The following DACH2 variants were observed in gnomAD, a reference collection of about 807,000 sequenced individuals.
DACH2 encodes dachshund family transcription factor 2, also known as dachshund homolog 2.
A neutral mutation model predicts 35.8 loss-of-function variants in DACH2; 17 were observed. The ratio of observed to expected loss-of-function variants is 0.48; its 90% confidence interval spans 0.33 to 0.71. The LOEUF is 0.71. Ranked by LOEUF, DACH2 falls within the 30% of genes least tolerant of loss-of-function variation. The pLI is 0.02. For missense variants in DACH2, 469 were observed against 472.7 expected, an observed-to-expected ratio of 0.99 and a Z score of 0.07; for synonymous variants, 195 against 177.3, an observed-to-expected ratio of 1.10 and a Z score of -0.79.
intron 3 of DACH2, among the ~76,000 whole-genome samples, chrX:86,606,126 G>A (rs1445559755): frequency 2.7e-5 from 3 of 110,935 alleles, no homozygotes; most frequent in African/African-American, 9.8e-5. Context: ...TGGTAATCAC[G>A]TCTTGTAGAA....
chrX:86,191,928 G>A (rs2031845841), intron 1 of DACH2, among the ~76,000 whole-genome samples: 2 of 111,591 alleles, frequency 1.8e-5, no homozygotes, highest in South Asian at 3.7e-4. Flanking sequence ...GTGACAGAGC[G>A]AGACTCCATC....
At chrX:86,733,191 G>A (rs1468874897) in intron 6 of DACH2, among the ~76,000 whole-genome samples, 1 of 111,748 alleles carries the variant, frequency 8.9e-6, no homozygotes, top group East Asian at 2.8e-4. Context: ...ATAAATATTT[G>A]TTGCATGAGT....
intron 4 of DACH2, among the ~76,000 whole-genome samples, chrX:86,668,647 C>A (rs1306194044): frequency 9.0e-6 from 1 of 111,724 alleles, no homozygotes; most frequent in Non-Finnish European, 1.9e-5. Context: ...CACTATCCTC[C>A]TAAATCTATA....
At chrX:86,659,546 C>T (rs1293397827) in intron 4 of DACH2, among the ~76,000 whole-genome samples, 1 of 111,481 alleles carries the variant, frequency 9.0e-6, no homozygotes, top group Non-Finnish European at 1.9e-5. Context: ...TAGTCCTCCA[C>T]CTTCCTCCTG....
chrX:86,295,084 G>A (rs1006650294), intron 1 of DACH2, among the ~76,000 whole-genome samples: 30 of 112,711 alleles, frequency 2.7e-4, no homozygotes, highest in African/African-American at 8.4e-4. Flanking sequence ...CTCCGTGGGC[G>A]TAGGACCCTC....
intron 1 of DACH2, among the ~76,000 whole-genome samples, chrX:86,220,195 C>A (rs1363903467): frequency 1.9e-5 from 2 of 105,262 alleles, no homozygotes; most frequent in African/African-American, 3.5e-5. Context: ...AAAAAAATTT[C>A]CCTCCCCTTT....
intron 3 of DACH2, among the ~76,000 whole-genome samples, chrX:86,617,248 C>CT (rs1299962152): frequency 1.2e-4 from 13 of 108,963 alleles, no homozygotes; most frequent in Admixed American, 5.9e-4. Context: ...TATTTAGGCT[C>CT]TTTTTTTTGT....
At chrX:86,386,962 A>C (rs1351661283) in intron 2 of DACH2, among the ~76,000 whole-genome samples, 1 of 111,679 alleles carries the variant, frequency 9.0e-6, no homozygotes, top group African/African-American at 3.3e-5. Flanking sequence ...AGTAATGCAC[A>C]TAAGTCTTAT....
intron 3 of DACH2, among the ~76,000 whole-genome samples, chrX:86,593,503 T>C (rs2039675438): frequency 1.8e-5 from 2 of 108,972 alleles, no homozygotes; most frequent in African/African-American, 6.8e-5. Context: ...TTTGGCTCAC[T>C]GCAACCTCCA....
rs188430572 is a variant in DACH2, at chrX:86,772,785, T to C, written c.1240+32903T>C. On this transcript the variant is annotated intron_variant, in intron 7 of 11. Coordinates refer to ENST00000373125, the MANE Select transcript of DACH2 (RefSeq NM_053281.3). ...GCTTCCATAGACACACAGTGTGAAA[T>C]GAAATCTGGGGCTGAATTGCCTCAA... Among the ~76,000 whole-genome samples the C allele has an allele frequency of 3.6e-5, 4 of 111,388 alleles. No individual in the cohort carries two copies. In the East Asian group the frequency reaches 1.1e-3, roughly 32 times the overall value.
intron 1 of DACH2, among the ~76,000 whole-genome samples, chrX:86,296,684 G>A (rs2034469152): frequency 9.0e-6 from 1 of 110,917 alleles, no homozygotes; most frequent in South Asian, 3.8e-4. Flanking sequence ...TGTATTTTGA[G>A]ATGTACACAT....
At chrX:86,804,540 C>A (rs1226370175) in intron 7 of DACH2, among the ~76,000 whole-genome samples, 2 of 112,005 alleles carry the variant, frequency 1.8e-5, no homozygotes, top group Non-Finnish European at 3.8e-5. Flanking sequence ...ACAATCATGC[C>A]TTCCCAACAG....
intron 1 of DACH2, among the ~76,000 whole-genome samples, chrX:86,372,347 G>T (rs991315670): frequency 1.8e-5 from 2 of 110,937 alleles, no homozygotes; most frequent in Non-Finnish European, 3.8e-5. Context: ...ACACATGGAA[G>T]TTTTCAGAAA....
At chrX:86,456,629 T>A (rs1373046445) in intron 2 of DACH2, among the ~76,000 whole-genome samples, 2 of 111,718 alleles carry the variant, frequency 1.8e-5, no homozygotes, top group African/African-American at 3.3e-5. Flanking sequence ...AGAAAATTTT[T>A]AAAAATTATT....
At chrX:86,703,347 A>G (rs1192660845) in intron 5 of DACH2, among the ~76,000 whole-genome samples, 1 of 111,437 alleles carries the variant, frequency 9.0e-6, no homozygotes, top group African/African-American at 3.3e-5. Context: ...CATTTTCCCC[A>G]TAAGAACTGG....
chrX:86,653,958 C>A (rs759853036), intron 4 of DACH2, among the ~76,000 whole-genome samples: 9 of 109,801 alleles, frequency 8.2e-5, no homozygotes, highest in Middle Eastern at 9.4e-3. Flanking sequence ...TGAGCCACTG[C>A]GCCCAGCCAA....
intron 3 of DACH2, among the ~76,000 whole-genome samples, chrX:86,581,426 G>A (rs1041738136): frequency 7.6e-5 from 6 of 78,651 alleles, no homozygotes; most frequent in African/African-American, 5.7e-4. Context: ...GGCACAGAGT[G>A]GCAAAGTGGG....
At chrX:86,402,578 C>T (rs2036453471) in intron 2 of DACH2, among the ~76,000 whole-genome samples, 1 of 111,642 alleles carries the variant, frequency 9.0e-6, no homozygotes, top group Non-Finnish European at 1.9e-5. Context: ...ATGGAAGTAT[C>T]AGTGTCATTA....
intron 3 of DACH2, among the ~76,000 whole-genome samples, chrX:86,578,142 C>A (rs1299699456): frequency 9.0e-6 from 1 of 110,681 alleles, no homozygotes; most frequent in Non-Finnish European, 1.9e-5. Flanking sequence ...TCTTGCAGGA[C>A]TGAGCCCTCA....
Sources: allele counts gnomAD v4.1 joint callset (sites outside exome capture counted in the v4.1 genomes callset), GRCh38; gene constraint gnomAD v4.1.1; transcripts MANE v1.5; gene names NCBI Gene and HGNC (gene_info 2026-07-23, HGNC 2026-07-21).